Variants in GABRB1 observed in about 807,000 individuals in gnomAD.
GABRB1 encodes the protein gamma-aminobutyric acid type A receptor subunit beta1, also known as gamma-aminobutyric acid receptor subunit beta-1.
In GABRB1, 17 loss-of-function variants were observed where a neutral mutation model predicts 51.6. That is an observed-to-expected ratio of 0.33 (90% CI 0.23 to 0.49). GABRB1 has a LOEUF of 0.49. GABRB1 is among the 20% of genes least tolerant of loss of function. The probability of loss-of-function intolerance (pLI) is 0.99; values close to 1 mark genes in which losing one functional copy is unlikely to be tolerated. For missense variants in GABRB1, 410 were observed against 600.6 expected, an observed-to-expected ratio of 0.68 and a Z score of 3.32; for synonymous variants, 247 against 218.9, an observed-to-expected ratio of 1.13 and a Z score of -1.14.
At chr4:47,048,801 C>A (rs779845081) in intron 3 of GABRB1, among the ~76,000 whole-genome samples, 1 of 152,060 alleles carries the variant, frequency 6.6e-6, no homozygotes, top group African/African-American at 2.4e-5. Flanking sequence ...AGACTTCTAA[C>A]CCCCTTTCTC....
intron 4 of GABRB1, among the ~76,000 whole-genome samples, chr4:47,182,283 T>C (rs1412911257): frequency 6.6e-6 from 1 of 152,000 alleles, no homozygotes; most frequent in African/African-American, 2.4e-5. Context: ...ACTACTAATG[T>C]GATGCCTTTT....
chr4:47,362,236 G>C (rs967956446), intron 5 of GABRB1, among the ~76,000 whole-genome samples: 2 of 152,048 alleles, frequency 1.3e-5, no homozygotes, highest in African/African-American at 4.8e-5. Context: ...GCAAAATGAG[G>C]GTCAGAGCCG....
intron 1 of GABRB1, among the ~76,000 whole-genome samples, chr4:47,024,932 T>TAATATATATATATATATATATA (rs1725039316): frequency 2.9e-4 from 2 of 6,944 alleles, no homozygotes; most frequent in African/African-American, 1.3e-3. Context: ...TAGTATTCCA[T>TAATATATATATATATATATATA]CATATATATA....
Position 47,402,672 on chromosome 4 carries a change from A to C in GABRB1, c.545-646A>C, listed in dbSNP as rs191684348. The stretch of plus-strand genomic sequence containing the variant: ...TACAGTTCCCTACACATTCCCCTTA[A>C]ATTAACTAAAGTTCACTCTCATAAG... On this transcript the variant is annotated intron_variant, in intron 5 of 8. Transcript: ENST00000295454. Among the ~76,000 whole-genome samples the C allele has an allele frequency of 8.2e-4, 125 of 152,292 alleles. 2 individuals carry two copies. The highest frequency in any genetic ancestry group is 2.9e-3 in the African/African-American group (121 of 41,564).
rs182422596 is a variant in GABRB1, at chr4:47,284,271, G to A, written c.462-35856G>A. Among the ~76,000 whole-genome samples the A allele has an allele frequency of 2.1e-3, 323 of 152,144 alleles. 1 individual carries two copies. The highest frequency in any genetic ancestry group is 1.6e-3 in the Admixed American group (24 of 15,288). On this transcript the variant is annotated intron_variant, in intron 4 of 8. Coordinates refer to ENST00000295454, the MANE Select transcript of GABRB1 (RefSeq NM_000812.4). Reference sequence around the variant, plus strand: ...AACCCTCACCAGCAATGCTCTGCCAGCCACACTTCTATTACAAGTAAGACA... The same window carrying A: ...AACCCTCACCAGCAATGCTCTGCCAACCACACTTCTATTACAAGTAAGACA...
chr4:47,180,649 C>G (rs141263659), intron 4 of GABRB1, among the ~76,000 whole-genome samples: 1 of 151,980 alleles, frequency 6.6e-6, no homozygotes, highest in Non-Finnish European at 1.5e-5. Context: ...TGTCTAAGGT[C>G]TTTCTAAATG....
chr4:47,332,019 T>C (rs76377601), intron 5 of GABRB1, among the ~76,000 whole-genome samples: 5,028 of 152,282 alleles, frequency 0.033, 323 homozygotes, highest in African/African-American at 0.11. Flanking sequence ...TGGTTTTAGG[T>C]GTACTCTATC....
chr4:47,017,496 A>T, intron 1 of GABRB1, among the ~76,000 whole-genome samples: 1 of 152,234 alleles, frequency 6.6e-6, no homozygotes, highest in East Asian at 1.9e-4. Flanking sequence ...TATGACAACC[A>T]CTGTAAGAAG....
intron 3 of GABRB1, among the ~76,000 whole-genome samples, chr4:47,083,798 A>G (rs903523389): frequency 8.5e-5 from 13 of 152,128 alleles, no homozygotes; most frequent in African/African-American, 3.1e-4. Context: ...GTCCAACTCA[A>G]TAATTGTTCT....
intron 3 of GABRB1, among the ~76,000 whole-genome samples, chr4:47,067,257 G>T (rs559590605): frequency 8.5e-5 from 13 of 152,248 alleles, no homozygotes; most frequent in African/African-American, 3.1e-4. Flanking sequence ...TAGATTTACC[G>T]TAACTCTTAA....
intron 5 of GABRB1, among the ~76,000 whole-genome samples, chr4:47,349,787 G>T (rs2109996423): frequency 6.6e-6 from 1 of 152,320 alleles, no homozygotes; most frequent in South Asian, 2.1e-4. Context: ...TTCTAGTCAA[G>T]TTCAAAATGG....
chr4:47,381,603 C>G (rs1363320633), intron 5 of GABRB1, among the ~76,000 whole-genome samples: 1 of 152,326 alleles, frequency 6.6e-6, no homozygotes, highest in East Asian at 1.9e-4. Context: ...GAACAGCCTT[C>G]CCTACAAGGC....
intron 3 of GABRB1, among the ~76,000 whole-genome samples, chr4:47,037,109 C>A (rs932696313): frequency 1.3e-5 from 2 of 152,078 alleles, no homozygotes; most frequent in East Asian, 3.9e-4. Context: ...TGTGAATCAA[C>A]CAATCTCAAA....
intron 4 of GABRB1, among the ~76,000 whole-genome samples, chr4:47,265,756 G>A (rs1722620555): frequency 6.6e-6 from 1 of 152,024 alleles, no homozygotes; most frequent in East Asian, 1.9e-4. Flanking sequence ...AGAAATGTCT[G>A]CTCATGTCCT....
intron 4 of GABRB1, among the ~76,000 whole-genome samples, chr4:47,178,511 A>C (rs1718798473): frequency 6.6e-6 from 1 of 152,124 alleles, no homozygotes; most frequent in Non-Finnish European, 1.5e-5. Flanking sequence ...GAGCTAAAGA[A>C]GAATAAAGCC....
intron 3 of GABRB1, among the ~76,000 whole-genome samples, chr4:47,115,767 A>G (rs1241356471): frequency 6.6e-6 from 1 of 152,140 alleles, no homozygotes; most frequent in Non-Finnish European, 1.5e-5. Flanking sequence ...CATGTTAAAA[A>G]AACAGTTAAC....
intron 4 of GABRB1, among the ~76,000 whole-genome samples, chr4:47,256,936 T>G (rs1375440864): frequency 6.6e-6 from 1 of 152,200 alleles, no homozygotes; most frequent in African/African-American, 2.4e-5. Context: ...TGGCCCTACT[T>G]TACAGATGAG....
chr4:47,164,755 G>A (rs1198866540), intron 4 of GABRB1, among the ~76,000 whole-genome samples: 1 of 152,050 alleles, frequency 6.6e-6, no homozygotes, highest in African/African-American at 2.4e-5. Flanking sequence ...TGTGAACTAT[G>A]TCAATTCATA....
chr4:47,292,705 G>A (rs1723795595), intron 4 of GABRB1, among the ~76,000 whole-genome samples: 1 of 152,168 alleles, frequency 6.6e-6, no homozygotes, highest in Non-Finnish European at 1.5e-5. Context: ...ATTGACTGAT[G>A]GCACTGGAGG....
Sources: gnomAD v4.1 joint callset for allele counts (sites outside exome capture counted in the v4.1 genomes callset) on GRCh38, gnomAD v4.1.1 for gene constraint, MANE v1.5 for transcripts, NCBI Gene and HGNC (gene_info 2026-07-23, HGNC 2026-07-21) for gene names.